CHRM3: variants seen among roughly 807,000 people sequenced by gnomAD.
CHRM3 encodes the protein muscarinic acetylcholine receptor M3.
CHRM3 carries 11 observed loss-of-function variants against 41.8 expected under a neutral mutation model. The ratio of observed to expected loss-of-function variants is 0.26; its 90% CI spans 0.17 to 0.44. CHRM3 has a LOEUF of 0.44. Ranked by LOEUF, CHRM3 falls within the 20% of genes least tolerant of loss-of-function variation. CHRM3 has a pLI of 1.00. For synonymous variants in CHRM3, 297 were observed against 301.4 expected (o/e 0.99, Z 0.15); for missense variants, 571 against 745.4 (o/e 0.77, Z 2.72).
chr1:239,827,909 T>A (rs558087731), intron 6 of CHRM3, among the ~76,000 whole-genome samples: 123 of 152,200 alleles, frequency 8.1e-4, no homozygotes, highest in Non-Finnish European at 1.5e-3. Context: ...AATTAAAAAA[T>A]CATTATAAAG....
At chr1:239,793,765 A>T (rs544507902) in intron 5 of CHRM3, among the ~76,000 whole-genome samples, 83 of 148,620 alleles carry the variant, frequency 5.6e-4, no homozygotes, top group African/African-American at 2.0e-3. Flanking sequence ...ATTCTGTTAG[A>T]AATAGGCAAA....
intron 1 of CHRM3, among the ~76,000 whole-genome samples, chr1:239,403,976 G>GAGAGA (rs1660203316): frequency 4.3e-5 from 2 of 46,506 alleles, no homozygotes; most frequent in Non-Finnish European, 7.8e-5. Context: ...AGAGGGAGGG[G>GAGAGA]GAGAGAGAGA....
At chr1:239,619,715 A>G (rs956053388) in intron 3 of CHRM3, among the ~76,000 whole-genome samples, 1 of 152,164 alleles carries the variant, frequency 6.6e-6, no homozygotes, top group Non-Finnish European at 1.5e-5. Flanking sequence ...TCGAACCCCC[A>G]TAAACACCAT....
intron 3 of CHRM3, among the ~76,000 whole-genome samples, chr1:239,594,018 G>A (rs1264690177): frequency 6.6e-6 from 1 of 152,154 alleles, no homozygotes; most frequent in Admixed American, 6.5e-5. Flanking sequence ...TAATACATCA[G>A]AAAGTCTTGT....
intron 6 of CHRM3, among the ~76,000 whole-genome samples, chr1:239,875,545 C>T (rs1677044035): frequency 6.6e-6 from 1 of 152,228 alleles, no homozygotes; most frequent in African/African-American, 2.4e-5. Flanking sequence ...TCACAGGCTG[C>T]ACAAAATAAG....
intron 1 of CHRM3, among the ~76,000 whole-genome samples, chr1:239,408,753 T>C (rs910118884): frequency 6.6e-6 from 1 of 151,644 alleles, no homozygotes; most frequent in Non-Finnish European, 1.5e-5. Context: ...TCCCAAGTAG[T>C]TGGGACTACA....
At chr1:239,537,250 A>G (rs1005365278) in intron 2 of CHRM3, among the ~76,000 whole-genome samples, 2 of 152,192 alleles carry the variant, frequency 1.3e-5, no homozygotes, top group African/African-American at 4.8e-5. Context: ...TACCTGAGAC[A>G]GGGTAATTTA....
intron 1 of CHRM3, among the ~76,000 whole-genome samples, chr1:239,485,971 C>T (rs1667159956): frequency 6.6e-6 from 1 of 152,178 alleles, no homozygotes; most frequent in Non-Finnish European, 1.5e-5. Context: ...CTCCACCAAG[C>T]ACTTACCTAG....
At chr1:239,657,849 T>C (rs915338528) in intron 4 of CHRM3, among the ~76,000 whole-genome samples, 1 of 152,144 alleles carries the variant, frequency 6.6e-6, no homozygotes, top group Non-Finnish European at 1.5e-5. Flanking sequence ...GCTTCATTTA[T>C]CTCTTATGTA....
At chr1:239,860,800 T>C (rs1572515825) in intron 6 of CHRM3, among the ~76,000 whole-genome samples, 1 of 152,214 alleles carries the variant, frequency 6.6e-6, no homozygotes, top group Non-Finnish European at 1.5e-5. Context: ...TAGGGTAGAA[T>C]TGATAAATCA....
intron 3 of CHRM3, among the ~76,000 whole-genome samples, chr1:239,555,127 T>C (rs1660237311): frequency 6.6e-6 from 1 of 152,178 alleles, no homozygotes. Context: ...TTGTACATCA[T>C]CAGATTGCAC....
At chr1:239,586,345 T>A (rs1036521541) in intron 3 of CHRM3, among the ~76,000 whole-genome samples, 3 of 152,200 alleles carry the variant, frequency 2.0e-5, no homozygotes, top group Non-Finnish European at 4.4e-5. Flanking sequence ...GTGGCCTGTA[T>A]AAGCTGTAAA....
intron 5 of CHRM3, among the ~76,000 whole-genome samples, chr1:239,758,241 C>T (rs1666401948): frequency 6.6e-6 from 1 of 151,986 alleles, no homozygotes; most frequent in Non-Finnish European, 1.5e-5. Context: ...TAGGATAGAG[C>T]CTTTTACATC....
At chr1:239,837,902 T>C (rs1401593766) in intron 6 of CHRM3, among the ~76,000 whole-genome samples, 1 of 152,228 alleles carries the variant, frequency 6.6e-6, no homozygotes, top group African/African-American at 2.4e-5. Context: ...CTGAAACAGC[T>C]AGAGTTCTAC....
intron 4 of CHRM3, among the ~76,000 whole-genome samples, chr1:239,640,078 C>T (rs1001769347): frequency 3.9e-4 from 60 of 151,994 alleles, no homozygotes; most frequent in African/African-American, 1.3e-3. Context: ...GATTGATTTG[C>T]ATATATTGAA....
intron 4 of CHRM3, among the ~76,000 whole-genome samples, chr1:239,644,547 T>G (rs1671567047): frequency 6.6e-6 from 1 of 152,198 alleles, no homozygotes; most frequent in Middle Eastern, 3.2e-3. Flanking sequence ...GGGTGGACTG[T>G]GAGCTTTAGG....
intron 6 of CHRM3, among the ~76,000 whole-genome samples, chr1:239,864,190 C>T (rs1282365856): frequency 6.6e-6 from 1 of 151,908 alleles, no homozygotes; most frequent in Non-Finnish European, 1.5e-5. Context: ...AGACCCTGCC[C>T]CCCCACCAAA....
At chr1:239,860,920 C>T (rs1675583611) in intron 6 of CHRM3, among the ~76,000 whole-genome samples, 1 of 152,090 alleles carries the variant, frequency 6.6e-6, no homozygotes. Flanking sequence ...GTCATTATAT[C>T]TATTTTTTTC....
Position 239,709,354 on chromosome 1 carries a change from C to T in CHRM3, c.-147+31066C>T, listed in dbSNP as rs141539670. On this transcript the variant is annotated intron_variant, in intron 5 of 6. Transcript: ENST00000676153. ...GCCTCCACCTTGAGGCGGATTTTAC[C>T]GACCGCCGTGTCTAAAATAGTCATA... 9.0e-3 allele frequency among the ~76,000 whole-genome samples: 1,370 copies of T among 152,240 alleles called. 18 individuals carry two copies. Among genetic ancestry groups the T allele is most frequent in the African/African-American group, 0.031 (1,295 of 41,548 alleles).
Sources: gnomAD v4.1 joint callset for allele counts (sites outside exome capture counted in the v4.1 genomes callset) on GRCh38, gnomAD v4.1.1 for gene constraint, MANE v1.5 for transcripts, NCBI Gene and HGNC (gene_info 2026-07-23, HGNC 2026-07-21) for gene names.